NUP155: variants seen among roughly 807,000 people sequenced by gnomAD.
NUP155 encodes nuclear pore complex protein Nup155.
Under a neutral mutation model 180.4 loss-of-function variants are expected in NUP155, and 71 were observed. The observed-to-expected ratio is 0.39, with a 90% confidence interval of 0.33 to 0.48. NUP155 has a LOEUF of 0.48. Among genes scored for constraint, NUP155 ranks in the 20% least tolerant of loss-of-function variants. The probability of loss-of-function intolerance (pLI) is 0.91; values close to 1 mark genes in which losing one functional copy is unlikely to be tolerated. For synonymous variants in NUP155, 582 were observed against 559.5 expected (o/e 1.04, Z -0.57); for missense variants, 1,553 against 1,648.9 (o/e 0.94, Z 1.01).
At position 37,301,570 on chromosome 5, in the gene NUP155, G is replaced by A. The variant is rs752803482; in HGVS notation, c.3448-20C>T. 2.2e-6 allele frequency: 3 copies of A among 1,373,222 alleles called. No homozygotes were observed. The highest frequency in any genetic ancestry group is 3.1e-6 in the Non-Finnish European group (3 of 960,822). The allele number at this position is 1,373,222 out of a possible 1,614,324, so 85.1% of individuals were successfully genotyped here. Reference sequence around the variant, plus strand: ...AGCAACCTAGTTTGGGCAGAAAACAGGATGTCTTAATTTATTTATGATAAA... The same window carrying A: ...AGCAACCTAGTTTGGGCAGAAAACAAGATGTCTTAATTTATTTATGATAAA... On this transcript the variant is annotated intron_variant, in intron 29 of 34. Coordinates refer to ENST00000231498, the MANE Select transcript of NUP155 (RefSeq NM_153485.3).
chr5:37,370,890 T>G lies in NUP155; in HGVS notation c.88A>C (p.Ile30Leu). The G allele has an allele frequency of 1.2e-6, 2 of 1,614,196 alleles. No individual in the cohort carries two copies. The highest frequency in any genetic ancestry group is 8.5e-7 in the Non-Finnish European group (1 of 1,180,040). ...QEALENAGRL[I>L]DRQLQEDRMY... ...CGGTCCTCTTGCAACTGACGGTCGATGAGCCGTCCAGCATTTTCCAGAGCT... is the reference window on the plus strand; with the variant it reads ...CGGTCCTCTTGCAACTGACGGTCGAGGAGCCGTCCAGCATTTTCCAGAGCT... Residue 30 changes from isoleucine to leucine, a missense_variant, in exon 1 of 35, where the codon ATC becomes CTC. Ile to Leu is a conservative substitution (Grantham distance 5). Transcript: ENST00000231498.
Position 37,294,286 on chromosome 5 carries a change from TAATTA to T in NUP155, c.3930+38_3930+42del, listed in dbSNP as rs749926719. The T allele has an allele frequency of 5.9e-6, 8 of 1,355,206 alleles. No homozygotes were observed. The East Asian group carries it at 1.5e-4, about 26-fold the overall frequency. 83.9% of individuals were successfully genotyped at this position (1,355,206 alleles called of 1,614,324 possible). On this transcript the variant is annotated intron_variant, in intron 33 of 34. Transcript: ENST00000231498. ...CCACTCTATATCTACAAAGTTACTT[TAATTA>T]AAGAAAATAATTTTATGTTATTTAA...
At chr5:37,297,672 G>A (rs1244637498) in intron 32 of NUP155, among the ~76,000 whole-genome samples, 5 of 152,064 alleles carry the variant, frequency 3.3e-5, no homozygotes, top group African/African-American at 7.2e-5. Flanking sequence ...GAGCCACCAT[G>A]CCCAGCCATG....
chr5:37,327,839 ATCTTAATCTTAGAACCCATAAATC>A (rs1744705394), intron 17 of NUP155, 63 bp from the exon 18 acceptor site: 14 of 1,555,432 alleles, frequency 9.0e-6, no homozygotes, highest in South Asian at 4.5e-5. Flanking sequence ...AAATCTCTTA[ATCTTAATCTTAGAACCCATAAATC>A]TCTTAATCTT....
chr5:37,292,457 C>T (rs935942708), intron 34 of NUP155, among the ~76,000 whole-genome samples: 8 of 152,014 alleles, frequency 5.3e-5, no homozygotes, highest in African/African-American at 1.7e-4. Context: ...CCTCATGATC[C>T]GCCCATCTCA....
intron 3 of NUP155, among the ~76,000 whole-genome samples, chr5:37,360,170 C>G (rs1561814355): frequency 1.3e-5 from 2 of 151,666 alleles, no homozygotes; most frequent in African/African-American, 2.4e-5. Context: ...AGAATTTCGA[C>G]AAAAAGATAA....
At chr5:37,296,651 A>G (rs1236768166) in intron 32 of NUP155, among the ~76,000 whole-genome samples, 1 of 151,790 alleles carries the variant, frequency 6.6e-6, no homozygotes, top group African/African-American at 2.4e-5. Context: ...ACCCTGCCAA[A>G]TCCCCCTCTG....
intron 7 of NUP155, among the ~76,000 whole-genome samples, chr5:37,349,894 A>G (rs950471824): frequency 2.0e-5 from 3 of 152,178 alleles, no homozygotes; most frequent in African/African-American, 7.2e-5. Context: ...ATACATACAC[A>G]TATTTTGGTT....
At chr5:37,293,897 G>A (rs1461268121) in intron 33 of NUP155, among the ~76,000 whole-genome samples, 3 of 110,098 alleles carry the variant, frequency 2.7e-5, no homozygotes, top group Non-Finnish European at 4.8e-5. Context: ...TACTGGGGAG[G>A]CTGAGGCAGG....
intron 9 of NUP155, among the ~76,000 whole-genome samples, chr5:37,345,845 A>G (rs184353456): frequency 6.7e-6 from 1 of 149,908 alleles, no homozygotes; most frequent in Non-Finnish European, 1.5e-5. Context: ...CAGAGGGTGC[A>G]GTGAGCTGAG....
At chr5:37,323,849 T>C (rs1744407484) in intron 20 of NUP155, 143 bp downstream of exon 20, 1 of 643,130 alleles carries the variant, frequency 1.6e-6, no homozygotes, top group South Asian at 1.8e-5. Context: ...TAGATAGTGG[T>C]GATGGTTGCA....
Position 37,333,653 on chromosome 5 carries a change from GTTT to G in NUP155, c.1348-23_1348-21del, listed in dbSNP as rs750691400. ...TGTCATCTATGTAAAAGAAATAAAT[GTTT>G]TATACATCATATTGAAGTTACATAA... On this transcript the variant is annotated intron_variant, in intron 12 of 34. Transcript: ENST00000231498. 9 of 1,595,504 alleles carry G rather than the reference GTTT, an allele frequency of 5.6e-6. No individual in the cohort carries two copies. The highest frequency in any genetic ancestry group is 7.7e-6 in the Non-Finnish European group (9 of 1,165,888).
intron 22 of NUP155, 101 bp from the exon 23 acceptor site, chr5:37,310,844 C>T (rs1178526050): frequency 3.0e-6 from 3 of 989,164 alleles, no homozygotes; most frequent in East Asian, 5.4e-5. Context: ...TATTAATAGA[C>T]TCTATAATTG....
At chr5:37,341,025 A>G (rs1745682064) in intron 11 of NUP155, 65 bp downstream of exon 11, 3 of 1,335,376 alleles carry the variant, frequency 2.2e-6, no homozygotes, top group Admixed American at 3.7e-5. Context: ...AATACTTCAC[A>G]ACACCATATA....
At chr5:37,335,485 A>C (rs568031438) in intron 12 of NUP155, among the ~76,000 whole-genome samples, 12 of 152,110 alleles carry the variant, frequency 7.9e-5, no homozygotes, top group Non-Finnish European at 1.8e-4. Context: ...CATGCCCAAT[A>C]CCTAGACTCA....
At chr5:37,318,324 T>A (rs1364156845) in intron 20 of NUP155, among the ~76,000 whole-genome samples, 1 of 151,504 alleles carries the variant, frequency 6.6e-6, no homozygotes, top group Admixed American at 6.6e-5. Context: ...TAAATTTTCC[T>A]AACCTGTAGA....
intron 14 of NUP155, 57 bp downstream of exon 14, chr5:37,331,628 T>C (rs1744966664): frequency 1.1e-6 from 1 of 900,404 alleles, no homozygotes; most frequent in Non-Finnish European, 1.8e-6. Flanking sequence ...ACATAAACTA[T>C]GACTCCCACT....
At chr5:37,336,738 A>G (rs937055079) in intron 12 of NUP155, among the ~76,000 whole-genome samples, 3 of 152,132 alleles carry the variant, frequency 2.0e-5, no homozygotes, top group African/African-American at 4.8e-5. Flanking sequence ...TTACCTCCTT[A>G]TCTTCCTCCT....
At position 37,307,491 on chromosome 5, in the gene NUP155, CCTTAG is replaced by C. The variant is rs1334419730; in HGVS notation, c.2768-64_2768-60del. 9 of 1,495,900 alleles carry C rather than the reference CCTTAG, an allele frequency of 6.0e-6. No homozygotes were observed. In the African/African-American group the frequency reaches 1.2e-4, roughly 21 times the overall value. 92.7% of individuals were successfully genotyped at this position (1,495,900 alleles called of 1,614,324 possible). On this transcript the variant is annotated intron_variant, in intron 24 of 34. Coordinates refer to ENST00000231498, the MANE Select transcript of NUP155 (RefSeq NM_153485.3). Reference sequence around the variant, plus strand: ...TTACTACTAAGTTGGATACATTTTTCCTTAGCTGGCACATGAAAATAATGATCAAG... The same window carrying C: ...TTACTACTAAGTTGGATACATTTTTCCTGGCACATGAAAATAATGATCAAG...
Sources: allele counts gnomAD v4.1 joint callset (sites outside exome capture counted in the v4.1 genomes callset), GRCh38; gene constraint gnomAD v4.1.1; transcripts MANE v1.5; gene names NCBI Gene and HGNC (gene_info 2026-07-23, HGNC 2026-07-21).